Variants in CDK13 observed in about 807,000 individuals in gnomAD.
CDK13 encodes the protein cyclin-dependent kinase 13.
CDK13 carries 40 observed loss-of-function variants against 137.6 expected under a neutral mutation model. The ratio of observed to expected loss-of-function variants is 0.29; its 90% CI spans 0.23 to 0.38. The LOEUF is 0.38. Ranked by LOEUF, CDK13 falls within the 10% of genes least tolerant of loss-of-function variation. CDK13 has a pLI of 1.00. For missense variants in CDK13, 1,704 were observed against 1,951.8 expected (o/e 0.87, Z 2.39); for synonymous variants, 869 against 760.1 (o/e 1.14, Z -2.36).
At chr7:39,959,126 G>A (rs1787522195) in intron 1 of CDK13, among the ~76,000 whole-genome samples, 1 of 116,130 alleles carries the variant, frequency 8.6e-6, no homozygotes, top group East Asian at 3.2e-4. Flanking sequence ...GCATTTCTTT[G>A]ATATTTAATA....
chr7:40,073,045 A>G (rs948006327), intron 9 of CDK13: 2 of 152,226 alleles, frequency 1.3e-5, no homozygotes, highest in Non-Finnish European at 2.9e-5. Context: ...ATATGTGAGT[A>G]TATTTCTGTT....
chr7:40,086,801 G>C (rs1786795843), intron 11 of CDK13, among the ~76,000 whole-genome samples: 2 of 148,186 alleles, frequency 1.3e-5, no homozygotes, highest in African/African-American at 4.9e-5. Context: ...TTATGTTCTA[G>C]CCTTACTCTT....
intron 7 of CDK13, chr7:40,062,213 A>G (rs1480575707): frequency 6.6e-6 from 1 of 152,396 alleles, no homozygotes; most frequent in Non-Finnish European, 1.5e-5. Flanking sequence ...GTTTTTATGG[A>G]AAGGAAAAAC....
intron 1 of CDK13, among the ~76,000 whole-genome samples, chr7:39,972,216 G>C (rs79676461): frequency 0.04 from 6,135 of 152,168 alleles, 362 homozygotes; most frequent in African/African-American, 0.13. Flanking sequence ...TGTTGTTGTC[G>C]TTACTTTTAA....
Position 40,095,090 on chromosome 7 carries a change from AT to A in CDK13, c.*115del. On this transcript the variant is annotated 3_prime_UTR_variant, in exon 14 of 14. Coordinates refer to ENST00000181839, the MANE Select transcript of CDK13 (RefSeq NM_003718.5). ...ATAATAATAATTCAACAACAGCTTTATTTTTATGTGGAGAAGGGTCTTGCAT... is the reference window on the plus strand; with the variant it reads ...ATAATAATAATTCAACAACAGCTTTATTTTATGTGGAGAAGGGTCTTGCAT... 1 of 980,252 alleles carries A rather than the reference AT, an allele frequency of 1.0e-6. No homozygotes were observed. The highest frequency in any genetic ancestry group is 1.4e-6 in the Non-Finnish European group (1 of 721,764). 60.7% of individuals were successfully genotyped at this position (980,252 alleles called of 1,614,324 possible). A position where few individuals can be genotyped will look rare whatever the true frequency, so the allele number is the denominator to read the frequency against.
intron 1 of CDK13, among the ~76,000 whole-genome samples, chr7:39,957,312 G>GGATGATAAAAGTTAGTTTTTTTATC (rs567959157): frequency 6.6e-6 from 1 of 151,352 alleles, no homozygotes; most frequent in African/African-American, 2.4e-5. Flanking sequence ...TTTTTTTCCT[G>GGATGATAAAAGTTAGTTTTTTTATC]TGCCCCCACA....
chr7:39,969,040 G>A (rs1783937632), intron 1 of CDK13, among the ~76,000 whole-genome samples: 1 of 152,028 alleles, frequency 6.6e-6, no homozygotes, highest in Non-Finnish European at 1.5e-5. Flanking sequence ...TTTTGAGATG[G>A]AGCCTCGCTC....
chr7:40,005,990 G>A (rs1488097015), intron 5 of CDK13, among the ~76,000 whole-genome samples: 4 of 152,196 alleles, frequency 2.6e-5, no homozygotes, highest in Non-Finnish European at 5.9e-5. Context: ...CTCCCAAAGT[G>A]CTGGGACTGG....
chr7:39,987,760 A>G lies in CDK13; in HGVS notation c.1373A>G (p.Lys458Arg), dbSNP rs774986853. 6.2e-7 allele frequency: 1 copy of G among 1,614,164 alleles called. No homozygotes were observed. Among genetic ancestry groups the G allele is most frequent in the Non-Finnish European group, 8.5e-7 (1 of 1,180,022 alleles). The change falls in exon 2 of 14, where the codon AAA becomes AGA. Residue 458 changes from lysine to arginine, a missense_variant. Transcript: ENST00000181839. ...SLAAELNKNK[K>R]ARAAEAARAA... ...GCAGCTGAATTGAACAAGAATAAAAAAGCACGAGCAGCAGAGGCAGCAAGA... is the reference window on the plus strand; with the variant it reads ...GCAGCTGAATTGAACAAGAATAAAAGAGCACGAGCAGCAGAGGCAGCAAGA...
chr7:39,991,899 A>C (rs1416511134), intron 2 of CDK13, among the ~76,000 whole-genome samples: 1 of 151,884 alleles, frequency 6.6e-6, no homozygotes, highest in Non-Finnish European at 1.5e-5. Context: ...AAAAAATACA[A>C]AAATTAGCCT....
intron 9 of CDK13, among the ~76,000 whole-genome samples, chr7:40,063,545 A>T (rs531341229): frequency 6.6e-6 from 1 of 152,220 alleles, no homozygotes; most frequent in East Asian, 1.9e-4. Flanking sequence ...ACTAAAATAC[A>T]TGCATATACC....
intron 12 of CDK13, among the ~76,000 whole-genome samples, chr7:40,090,943 G>A (rs781619732): frequency 2.5e-4 from 38 of 152,016 alleles, no homozygotes; most frequent in Non-Finnish European, 2.2e-4. Context: ...GGGCATGGTG[G>A]CTCATGCCTG....
chr7:39,990,937 C>T (rs574421777), intron 2 of CDK13, among the ~76,000 whole-genome samples: 48 of 152,246 alleles, frequency 3.2e-4, no homozygotes, highest in East Asian at 7.7e-4. Flanking sequence ...GTAAAAATTA[C>T]AAAATATGAT....
At chr7:40,036,495 C>T (rs1416308945) in intron 5 of CDK13, among the ~76,000 whole-genome samples, 2 of 152,072 alleles carry the variant, frequency 1.3e-5, no homozygotes, top group East Asian at 3.8e-4. Context: ...TTGCCTGAAC[C>T]TGGGAGGTGG....
chr7:40,061,351 C>CA (rs1330139206), intron 7 of CDK13: 1 of 152,164 alleles, frequency 6.6e-6, no homozygotes, highest in Non-Finnish European at 1.5e-5. Flanking sequence ...GCACTGTTAA[C>CA]TATAGTCCTA....
intron 5 of CDK13, among the ~76,000 whole-genome samples, chr7:40,021,769 C>T (rs1785131435): frequency 6.6e-6 from 1 of 151,684 alleles, no homozygotes; most frequent in South Asian, 2.1e-4. Context: ...AAATGAGGTA[C>T]AGGGGTATAG....
At chr7:40,036,821 AAAAAG>A (rs1276260496) in intron 5 of CDK13, among the ~76,000 whole-genome samples, 1 of 152,146 alleles carries the variant, frequency 6.6e-6, no homozygotes, top group African/African-American at 2.4e-5. Flanking sequence ...AGTTACATTT[AAAAAG>A]AAAAGAGACC....
chr7:39,996,983 A>AAAAAAAAAAAAAAAAAAAAAG (rs1562719391), intron 2 of CDK13, among the ~76,000 whole-genome samples: 8 of 141,482 alleles, frequency 5.7e-5, no homozygotes, highest in African/African-American at 2.4e-4. Context: ...AAAAGAAAAA[A>AAAAAAAAAAAAAAAAAAAAAG]AAAAAGAAAA....
At chr7:39,960,076 C>CT (rs11367509) in intron 1 of CDK13, among the ~76,000 whole-genome samples, 44 of 139,108 alleles carry the variant, frequency 3.2e-4, no homozygotes, top group East Asian at 1.1e-3. Context: ...AAAGTTTTTT[C>CT]TTTTTTTTTT....
Sources: gnomAD v4.1 joint callset for allele counts (sites outside exome capture counted in the v4.1 genomes callset) on GRCh38, gnomAD v4.1.1 for gene constraint, MANE v1.5 for transcripts, NCBI Gene and HGNC (gene_info 2026-07-23, HGNC 2026-07-21) for gene names.